The following KCNMB2 variants were observed in gnomAD, a reference collection of about 807,000 sequenced individuals.
KCNMB2 encodes the protein calcium-activated potassium channel subunit beta-2.
KCNMB2 carries 9 observed loss-of-function variants against 24.5 expected under a neutral mutation model. The observed-to-expected ratio is 0.37, with a 90% CI of 0.22 to 0.64. KCNMB2 has a LOEUF of 0.64. Ranked by LOEUF, KCNMB2 falls within the 30% of genes least tolerant of loss-of-function variation. The pLI is 0.63. For synonymous variants in KCNMB2, 109 were observed against 104.4 expected, an observed-to-expected ratio of 1.04 and a Z score of -0.27; for missense variants, 226 against 284.3, an observed-to-expected ratio of 0.79 and a Z score of 1.47.
chr3:178,794,634 T>C (rs1313505825), intron 1 of KCNMB2, among the ~76,000 whole-genome samples: 1 of 152,164 alleles, frequency 6.6e-6, no homozygotes, highest in African/African-American at 2.4e-5. Flanking sequence ...AAATGACGAT[T>C]ATAACCAGCT....
chr3:178,770,657 A>C (rs1384079453), intron 1 of KCNMB2, among the ~76,000 whole-genome samples: 1 of 152,242 alleles, frequency 6.6e-6, no homozygotes, highest in Non-Finnish European at 1.5e-5. Context: ...AAATCAAAAA[A>C]AATATGTGAA....
rs1407125171 is a variant in KCNMB2, at chr3:178,778,262, T to C, written c.-67-29081T>C. ...CCTTGATACAACTGAAGCTTTAAGA[T>C]AAATCCATTAAAAAGAGCTACTCAG... On this transcript the variant is annotated intron_variant, in intron 1 of 4. Coordinates refer to ENST00000452583, the MANE Select transcript of KCNMB2 (RefSeq NM_181361.3). Among the ~76,000 whole-genome samples the C allele has an allele frequency of 2.6e-5, 4 of 152,082 alleles. No homozygotes were observed. The South Asian group carries it at 6.2e-4, about 24-fold the overall frequency.
intron 1 of KCNMB2, among the ~76,000 whole-genome samples, chr3:178,761,155 T>G (rs1037001587): frequency 1.4e-4 from 22 of 152,150 alleles, no homozygotes; most frequent in Admixed American, 7.9e-4. Context: ...AACTTTAACT[T>G]CATTTAAAGA....
intron 4 of KCNMB2, among the ~76,000 whole-genome samples, chr3:178,834,206 A>G (rs1315742436): frequency 6.6e-6 from 1 of 152,164 alleles, no homozygotes; most frequent in Non-Finnish European, 1.5e-5. Flanking sequence ...CTATACTCTC[A>G]CAACACACTG....
intron 1 of KCNMB2, among the ~76,000 whole-genome samples, chr3:178,709,848 A>G (rs962353601): frequency 3.3e-5 from 5 of 152,086 alleles, no homozygotes; most frequent in African/African-American, 1.2e-4. Context: ...TTTCATCTCC[A>G]CTACAATTCT....
At chr3:178,772,834 C>T (rs1339452147) in intron 1 of KCNMB2, among the ~76,000 whole-genome samples, 1 of 152,114 alleles carries the variant, frequency 6.6e-6, no homozygotes, top group Non-Finnish European at 1.5e-5. Flanking sequence ...TAATTAATTT[C>T]CATCTCAGCC....
At chr3:178,618,537 C>G (rs1490090635) in intron 1 of KCNMB2, among the ~76,000 whole-genome samples, 1 of 152,190 alleles carries the variant, frequency 6.6e-6, no homozygotes, top group Admixed American at 6.5e-5. Flanking sequence ...TTCTTTCACT[C>G]TCTTTATGCC....
At chr3:178,566,629 G>A (rs1016709855) in intron 1 of KCNMB2, among the ~76,000 whole-genome samples, 29 of 151,910 alleles carry the variant, frequency 1.9e-4, no homozygotes, top group African/African-American at 6.5e-4. Flanking sequence ...CAATGTCAGA[G>A]AGGAATAACA....
At chr3:178,721,347 T>A (rs1722799876) in intron 1 of KCNMB2, among the ~76,000 whole-genome samples, 2 of 152,202 alleles carry the variant, frequency 1.3e-5, no homozygotes, top group Non-Finnish European at 2.9e-5. Flanking sequence ...TCTGTTTTGG[T>A]ACCAGTATTT....
intron 1 of KCNMB2, among the ~76,000 whole-genome samples, chr3:178,627,227 C>A (rs1719153874): frequency 6.6e-6 from 1 of 152,078 alleles, no homozygotes. Context: ...TCATGATTGG[C>A]CTTACATTTT....
intron 1 of KCNMB2, among the ~76,000 whole-genome samples, chr3:178,623,051 G>T (rs1718979362): frequency 6.6e-6 from 1 of 152,182 alleles, no homozygotes; most frequent in Non-Finnish European, 1.5e-5. Context: ...ATAGCAAATA[G>T]ATATGGATTA....
chr3:178,778,812 G>A (rs979780890), intron 1 of KCNMB2, among the ~76,000 whole-genome samples: 1 of 152,160 alleles, frequency 6.6e-6, no homozygotes, highest in Non-Finnish European at 1.5e-5. Flanking sequence ...ACCTGCACAA[G>A]AGCGATGTGA....
At chr3:178,763,740 A>C (rs1486591463) in intron 1 of KCNMB2, among the ~76,000 whole-genome samples, 3 of 152,178 alleles carry the variant, frequency 2.0e-5, no homozygotes, top group Non-Finnish European at 4.4e-5. Context: ...GAATCAAACG[A>C]AACACACCAC....
intron 1 of KCNMB2, among the ~76,000 whole-genome samples, chr3:178,759,286 C>A (rs1711568667): frequency 9.1e-6 from 1 of 109,564 alleles, no homozygotes; most frequent in African/African-American, 3.6e-5. Context: ...TATATCTCTC[C>A]AAGAGGAGAC....
chr3:178,689,925 G>A (rs1444390056), intron 1 of KCNMB2, among the ~76,000 whole-genome samples: 1 of 152,086 alleles, frequency 6.6e-6, no homozygotes, highest in African/African-American at 2.4e-5. Context: ...TTCTTCTCCA[G>A]ACAAAGGAAA....
At chr3:178,568,902 G>GATA (rs1560112545) in intron 1 of KCNMB2, among the ~76,000 whole-genome samples, 9 of 101,790 alleles carry the variant, frequency 8.8e-5, no homozygotes, top group African/African-American at 1.6e-4. Flanking sequence ...ATAGATAGAT[G>GATA]GATAGATAGA....
At chr3:178,652,210 T>A (rs1351279235) in intron 1 of KCNMB2, among the ~76,000 whole-genome samples, 1 of 152,066 alleles carries the variant, frequency 6.6e-6, no homozygotes, top group East Asian at 1.9e-4. Context: ...TACAAGGAAC[T>A]TAAACGAATT....
rs552569765 is a variant in KCNMB2 at position 178,699,374 on chromosome 3, G to A, written c.-67-107969G>A. On this transcript the variant is annotated intron_variant, in intron 1 of 4. Transcript: ENST00000452583. ...GCACTCTTGCATCCTGATGGGCAAA[G>A]TAATGCAAAACCCACCTGTGAAGAC... Among the ~76,000 whole-genome samples, 4 of 152,354 alleles carry A rather than the reference G, an allele frequency of 2.6e-5. No individual in the cohort carries two copies. The East Asian group carries it at 7.7e-4, about 29-fold the overall frequency.
chr3:178,714,568 G>A (rs537297497), intron 1 of KCNMB2, among the ~76,000 whole-genome samples: 14 of 152,300 alleles, frequency 9.2e-5, no homozygotes, highest in South Asian at 2.1e-4. Flanking sequence ...GAGAAAGCAC[G>A]ACATGGTTAG....
Sources: gnomAD v4.1 joint callset for allele counts (sites outside exome capture counted in the v4.1 genomes callset) on GRCh38, gnomAD v4.1.1 for gene constraint, MANE v1.5 for transcripts, NCBI Gene and HGNC (gene_info 2026-07-23, HGNC 2026-07-21) for gene names.